The following DERL2 variants were observed in gnomAD, a reference collection of about 807,000 sequenced individuals.
DERL2 encodes derlin-2.
A neutral mutation model predicts 32.0 loss-of-function variants in DERL2; 13 were observed. That is an observed-to-expected ratio of 0.41 (90% CI 0.26 to 0.65). The LOEUF (loss-of-function observed/expected upper bound fraction) is 0.65. Ranked by LOEUF, DERL2 falls within the 30% of genes least tolerant of loss-of-function variation. The probability of loss-of-function intolerance (pLI) is 0.35; values close to 1 mark genes in which losing one functional copy is unlikely to be tolerated. For synonymous variants in DERL2, 111 were observed against 104.7 expected (o/e 1.06, Z -0.37); for missense variants, 208 against 296.3 (o/e 0.70, Z 2.19).
chr17:5,474,900 C>T lies in DERL2; in HGVS notation c.615-111G>A. The T allele has an allele frequency of 1.7e-6, 1 of 587,260 alleles. No homozygotes were observed. Among genetic ancestry groups the T allele is most frequent in the South Asian group, 2.4e-5 (1 of 41,108 alleles). The allele number at this position is 587,260 out of a possible 1,614,324, so 36.4% of individuals were successfully genotyped here. On this transcript the variant is annotated intron_variant, in intron 6 of 6. Coordinates refer to ENST00000158771, the MANE Select transcript of DERL2 (RefSeq NM_016041.5). This position sits in a 1 kb window ranked among gnomAD's most constrained non-coding sequence, Gnocchi z 4.3. Reference sequence around the variant, plus strand: ...TTCCACCAATAGGTAAGCATTACACCTGCCTGCCAATTAAACAGTTAACAT... The same window carrying T: ...TTCCACCAATAGGTAAGCATTACACTTGCCTGCCAATTAAACAGTTAACAT...
Position 5,473,810 on chromosome 17 carries a change from A to T in DERL2, c.*874T>A. On this transcript the variant is annotated 3_prime_UTR_variant, in exon 7 of 7. Coordinates refer to ENST00000158771, the MANE Select transcript of DERL2 (RefSeq NM_016041.5). Reference sequence around the variant, plus strand: ...GTATTTAAAAAAAAATTTTTAATTAAAACTTTTTTAAAAATAAAAGAAAAA... The same window carrying T: ...GTATTTAAAAAAAAATTTTTAATTATAACTTTTTTAAAAATAAAAGAAAAA... The T allele has an allele frequency of 6.6e-6, 1 of 152,126 alleles. No individual in the cohort carries two copies. Among genetic ancestry groups the T allele is most frequent in the South Asian group, 2.1e-4 (1 of 4,810 alleles). 9.4% of individuals were successfully genotyped at this position (152,126 alleles called of 1,614,324 possible).
At chr17:5,483,027 G>A (rs367589496) in intron 2 of DERL2, 145 bp from the exon 3 acceptor site, 3 of 438,948 alleles carry the variant, frequency 6.8e-6, no homozygotes, top group Non-Finnish European at 1.2e-5. Flanking sequence ...AAACAAAAAC[G>A]GGGGCATATA....
chr17:5,485,516 C>CTGT (rs1159701376), intron 1 of DERL2, among the ~76,000 whole-genome samples: 1 of 152,164 alleles, frequency 6.6e-6, no homozygotes, highest in East Asian at 1.9e-4. Flanking sequence ...ATAAAAACAG[C>CTGT]TGCTATGAAT....
rs1326237104 is a variant in DERL2 at position 5,482,898 on chromosome 17, C to T, written c.160-16G>A. ...ATCTCCATATCTGTTAAAAAAAAAT[C>T]AAGAGAAAGATGTATTAAGTAAAAT... On this transcript the variant is annotated splice_polypyrimidine_tract_variant and intron_variant, in intron 2 of 6. Transcript: ENST00000158771. 20 of 1,355,882 alleles carry T rather than the reference C, an allele frequency of 1.5e-5. No individual in the cohort carries two copies. Among genetic ancestry groups the T allele is most frequent in the Non-Finnish European group, 1.8e-5 (18 of 973,846 alleles). 84.0% of individuals were successfully genotyped at this position (1,355,882 alleles called of 1,614,324 possible). A position where few individuals can be genotyped will look rare whatever the true frequency, so the allele number is the denominator to read the frequency against.
upstream of DERL2, chr17:5,486,360 C>CG (rs996564079): frequency 3.8e-5 from 19 of 505,944 alleles, no homozygotes; most frequent in East Asian, 7.0e-5. Context: ...GCCACCGCCC[C>CG]CCCCCAGCGC....
At chr17:5,479,408 C>T (rs1256810165) in intron 6 of DERL2, among the ~76,000 whole-genome samples, 2 of 148,660 alleles carry the variant, frequency 1.3e-5, no homozygotes, top group Non-Finnish European at 3.0e-5. Context: ...TGGCATCTCC[C>T]AAGGATACCA....
In DERL2 at chr17:5,473,333, A is replaced by G. The variant is rs1218662556; in HGVS notation, c.*1351T>C. Reference sequence around the variant, plus strand: ...ATGCAAACCTGCTGAGACTCAGGGAAGACTTAATATTTAGGGGAAGTATTT... The same window carrying G: ...ATGCAAACCTGCTGAGACTCAGGGAGGACTTAATATTTAGGGGAAGTATTT... On this transcript the variant is annotated 3_prime_UTR_variant, in exon 7 of 7. Transcript: ENST00000158771. 6.6e-6 allele frequency: 1 copy of G among 152,206 alleles called. No individual in the cohort carries two copies. The highest frequency in any genetic ancestry group is 2.4e-5 in the African/African-American group (1 of 41,446). 9.4% of individuals were successfully genotyped at this position (152,206 alleles called of 1,614,324 possible). A position where few individuals can be genotyped will look rare whatever the true frequency, so the allele number is the denominator to read the frequency against.
chr17:5,486,375 T>C (rs1362578909), upstream of DERL2: 4 of 406,920 alleles, frequency 9.8e-6, no homozygotes, highest in Admixed American at 4.3e-5. Context: ...CAGCGCCCCA[T>C]CTCCCCACCC....
At chr17:5,480,779 G>C in intron 4 of DERL2, 197 bp from the exon 5 acceptor site, 1 of 466,852 alleles carries the variant, frequency 2.1e-6, no homozygotes, top group South Asian at 6.0e-5. Flanking sequence ...CTAAATTATC[G>C]AGATTTACAG....
upstream of DERL2, chr17:5,486,259 T>A: frequency 1.0e-6 from 1 of 979,682 alleles, no homozygotes; most frequent in Non-Finnish European, 1.4e-6. Flanking sequence ...CCCCGCCCAC[T>A]TTAGTTTTCC....
In DERL2 at chr17:5,473,700, C is replaced by G. The variant is rs1047947184; in HGVS notation, c.*984G>C. On this transcript the variant is annotated 3_prime_UTR_variant, in exon 7 of 7. Transcript: ENST00000158771. ...GGCATGGTGGCTCATGCCTGTCATC[C>G]TAGCACTTTGGGAGGCTGAGGTGGG... 6.6e-6 allele frequency: 1 copy of G among 150,692 alleles called. No individual in the cohort carries two copies. 9.3% of individuals were successfully genotyped at this position (150,692 alleles called of 1,614,324 possible).
chr17:5,480,041 G>A lies in DERL2; in HGVS notation c.614+13C>T. The stretch of plus-strand genomic sequence containing the variant: ...TGCCTGTAAGAGTATGTAACCTGGT[G>A]TTAAATACTCACAAAATAGATGGTG... On this transcript the variant is annotated intron_variant, in intron 6 of 6. Coordinates refer to ENST00000158771, the MANE Select transcript of DERL2 (RefSeq NM_016041.5). The A allele has an allele frequency of 1.3e-6, 2 of 1,547,600 alleles. No individual in the cohort carries two copies. Among genetic ancestry groups the A allele is most frequent in the South Asian group, 2.2e-5 (2 of 88,994 alleles).
intron 6 of DERL2, among the ~76,000 whole-genome samples, chr17:5,479,138 T>A (rs1244060573): frequency 6.6e-6 from 1 of 152,134 alleles, no homozygotes; most frequent in Non-Finnish European, 1.5e-5. Flanking sequence ...AGTGGCTATG[T>A]TAAAGGCCTA....
chr17:5,474,610 C>T lies in DERL2; in HGVS notation c.*74G>A. 2 of 1,207,760 alleles carry T rather than the reference C, an allele frequency of 1.7e-6. No individual in the cohort carries two copies. Among genetic ancestry groups the T allele is most frequent in the South Asian group, 2.8e-5 (2 of 71,136 alleles). 74.8% of individuals were successfully genotyped at this position (1,207,760 alleles called of 1,614,324 possible). ...GCTGTCAAAAGTGTCCACACTTTTGCAACAAAGGATAAAAGATCCCAGTGG... is the reference window on the plus strand; with the variant it reads ...GCTGTCAAAAGTGTCCACACTTTTGTAACAAAGGATAAAAGATCCCAGTGG... On this transcript the variant is annotated 3_prime_UTR_variant, in exon 7 of 7. Transcript: ENST00000158771. This position sits in a 1 kb window ranked among gnomAD's most constrained non-coding sequence, Gnocchi z 4.3.
rs148903656 is a variant in DERL2 at position 5,475,676 on chromosome 17, G to C, written c.615-887C>G. 1.4e-3 allele frequency among the ~76,000 whole-genome samples: 207 copies of C among 152,222 alleles called. 4 individuals carry two copies. The East Asian group carries it at 0.039, about 29-fold the overall frequency. Reference sequence around the variant, plus strand: ...AGGCAGAAGAATCACTTGAACCTGGGAGGCACAGGTTACAGTGAGCTGAGA... The same window carrying C: ...AGGCAGAAGAATCACTTGAACCTGGCAGGCACAGGTTACAGTGAGCTGAGA... On this transcript the variant is annotated intron_variant, in intron 6 of 6. Transcript: ENST00000158771.
chr17:5,478,676 A>G (rs9915153), intron 6 of DERL2, among the ~76,000 whole-genome samples: 15,011 of 152,258 alleles, frequency 0.099, 932 homozygotes, highest in East Asian at 0.26. Flanking sequence ...CAATTACAGA[A>G]GAGAAAACCA....
At position 5,481,377 on chromosome 17, in the gene DERL2, A is replaced by G; in HGVS notation, c.246T>C (p.Cys82=). The change falls in exon 4 of 7, where the codon TGT becomes TGC. Residue 82 remains cysteine (C), a synonymous_variant. Transcript: ENST00000158771. This position sits in a 1 kb window ranked among gnomAD's most constrained non-coding sequence, Gnocchi z 4.4. ...GGAAAGAGCCTTCTTCTAGCATTCG[A>G]CAGTAACGATATCTTAAGTTCCAAG... is the stretch of plus-strand genomic sequence containing the variant. ...LFNMIFLYRY[C]RMLEEGSFRG... 6.2e-7 allele frequency: 1 copy of G among 1,613,466 alleles called. No individual in the cohort carries two copies. The highest frequency in any genetic ancestry group is 8.5e-7 in the Non-Finnish European group (1 of 1,179,416).
chr17:5,477,777 T>C (rs1905487947), intron 6 of DERL2: 1 of 152,184 alleles, frequency 6.6e-6, no homozygotes, highest in Non-Finnish European at 1.5e-5. Context: ...GGGAGTATAG[T>C]ATAAACCCAT....
chr17:5,485,044 G>T, intron 2 of DERL2, 107 bp downstream of exon 2: 1 of 674,190 alleles, frequency 1.5e-6, no homozygotes, highest in Non-Finnish European at 2.4e-6. Flanking sequence ...ATAATCAAAG[G>T]TCCCCACTGG....
Sources: allele counts gnomAD v4.1 joint callset (sites outside exome capture counted in the v4.1 genomes callset), GRCh38; gene constraint gnomAD v4.1.1; non-coding constraint Gnocchi (gnomAD v3.1); transcripts MANE v1.5; gene names NCBI Gene and HGNC (gene_info 2026-07-23, HGNC 2026-07-21).